The following DUSP18 variants were observed in gnomAD, a reference collection of about 807,000 sequenced individuals.
DUSP18 encodes the protein dual specificity protein phosphatase 18.
DUSP18 carries 4 observed loss-of-function variants against 6.3 expected under a neutral mutation model. The observed-to-expected ratio is 0.63, with a 90% CI of 0.31 to 1.45. DUSP18 has a LOEUF of 1.45. Ranked by LOEUF, DUSP18 falls within the 40% of genes most tolerant of loss-of-function variation. DUSP18 has a pLI of 0.07. For synonymous variants in DUSP18, 96 were observed against 95.1 expected (o/e 1.01, Z -0.05); for missense variants, 235 against 247.7 (o/e 0.95, Z 0.34).
chr22:30,656,396 G>A (rs746047605), intron 2 of DUSP18, among the ~76,000 whole-genome samples: 6 of 152,246 alleles, frequency 3.9e-5, no homozygotes, highest in East Asian at 1.9e-4. Flanking sequence ...AGATCATTCC[G>A]AGAAATCCTC....
At chr22:30,657,695 G>A (rs949074766), downstream of DUSP18, among the ~76,000 whole-genome samples, 1 of 151,518 alleles carries the variant, frequency 6.6e-6, no homozygotes, top group Non-Finnish European at 1.5e-5. Context: ...ACGAGGTCAG[G>A]AGATCGAGAC....
At chr22:30,658,539 G>A (rs770591439), downstream of DUSP18, among the ~76,000 whole-genome samples, 1 of 151,758 alleles carries the variant, frequency 6.6e-6, no homozygotes, top group Non-Finnish European at 1.5e-5. Flanking sequence ...TCTTCATCCT[G>A]TCACCTGGCC....
intron 2 of DUSP18, among the ~76,000 whole-genome samples, chr22:30,653,512 C>T (rs1161391692): frequency 6.6e-6 from 1 of 151,988 alleles, no homozygotes; most frequent in Non-Finnish European, 1.5e-5. Context: ...GGTGGAACTA[C>T]AGGTGCACAC....
At chr22:30,652,771 C>A (rs1029603518) in intron 2 of DUSP18, among the ~76,000 whole-genome samples, 4 of 152,232 alleles carry the variant, frequency 2.6e-5, no homozygotes, top group African/African-American at 9.6e-5. Flanking sequence ...GTGAGTGATT[C>A]AAGAGAACAA....
downstream of DUSP18, among the ~76,000 whole-genome samples, chr22:30,657,407 C>T (rs1462246283): frequency 1.3e-5 from 2 of 148,694 alleles, no homozygotes; most frequent in African/African-American, 2.5e-5. Flanking sequence ...TGCAGTAAGC[C>T]GAGATCACAC....
intron 1 of DUSP18, 188 bp downstream of exon 1, chr22:30,667,274 T>C (rs888307734): frequency 6.6e-6 from 1 of 152,198 alleles, no homozygotes; most frequent in African/African-American, 2.4e-5. Context: ...TGGTCCATTA[T>C]GTGTGGGAAA....
rs772310401 is a variant in DUSP18 at position 30,663,456 on chromosome 22, C to T, written c.548G>A (p.Arg183His). ...GATGGCTCACAGTGGAATCATCAAACGGACTTCCTTCTCATAGATGTCAGG... is the reference window on the plus strand; with the variant it reads ...GATGGCTCACAGTGGAATCATCAAATGGACTTCCTTCTCATAGATGTCAGG... ...MIPDIYEKEV[R>H]LMIPL Residue 183 changes from arginine (R) to histidine (H), a missense_variant, in exon 2 of 2, where the codon CGT becomes CAT. Physicochemically the swap from Arg to His is conservative, Grantham distance 29. Coordinates refer to ENST00000334679, the MANE Select transcript of DUSP18 (RefSeq NM_152511.5). 7 of 1,610,752 alleles carry T rather than the reference C, an allele frequency of 4.3e-6. No homozygotes were observed. The highest frequency in any genetic ancestry group is 2.2e-5 in the South Asian group (2 of 90,992).
At chr22:30,654,542 G>A (rs970675478) in intron 2 of DUSP18, 10 of 438,450 alleles carry the variant, frequency 2.3e-5, no homozygotes, top group South Asian at 1.0e-4. Context: ...TTGGTCTCGC[G>A]GGGCAGCATG....
chr22:30,663,949 C>G lies in DUSP18; in HGVS notation c.55G>C (p.Gly19Arg). The change falls in exon 2 of 2, where the codon GGC (glycine) becomes CGC (arginine). Residue 19 changes from glycine (G) to arginine (R), a missense_variant. Coordinates refer to ENST00000334679, the MANE Select transcript of DUSP18 (RefSeq NM_152511.5). ...PVQFRQPSVSGLSQITKSLYI... is the reference protein window; with the variant it reads ...PVQFRQPSVSRLSQITKSLYI... ...AGGCTTTTGGTTATCTGCGAGAGGC[C>G]GCTGACTGAGGGCTGCCGGAACTGA... The G allele has an allele frequency of 6.2e-7, 1 of 1,614,160 alleles. No individual in the cohort carries two copies. The highest frequency in any genetic ancestry group is 8.5e-7 in the Non-Finnish European group (1 of 1,180,036).
chr22:30,665,912 G>A (rs943086812), intron 1 of DUSP18, among the ~76,000 whole-genome samples: 4 of 148,064 alleles, frequency 2.7e-5, no homozygotes, highest in East Asian at 2.1e-4. Flanking sequence ...CTCTGGCAGC[G>A]TGTCTCCAGA....
chr22:30,654,312 G>C, intron 2 of DUSP18: 1 of 460,998 alleles, frequency 2.2e-6, no homozygotes, highest in Non-Finnish European at 4.3e-6. Context: ...TATTCTGGTA[G>C]TGGATCTTGG....
chr22:30,663,172 T>C lies in DUSP18; in HGVS notation c.*265A>G, dbSNP rs1275262067. On this transcript the variant is annotated 3_prime_UTR_variant, in exon 2 of 2. Coordinates refer to ENST00000334679, the MANE Select transcript of DUSP18 (RefSeq NM_152511.5). ...GTGCAATGGGTGCTGCCCTCTTTCT[T>C]CTGGGCACCATCTGCCTCAACCTAT... The C allele has an allele frequency of 6.3e-5, 27 of 429,428 alleles. No individual in the cohort carries two copies. The highest frequency in any genetic ancestry group is 1.0e-4 in the Non-Finnish European group (25 of 238,410). 26.6% of individuals were successfully genotyped at this position (429,428 alleles called of 1,614,324 possible).
intron 1 of DUSP18, 123 bp from the exon 2 acceptor site, chr22:30,664,203 G>A: frequency 1.7e-6 from 1 of 595,756 alleles, no homozygotes. Flanking sequence ...CATCACAGCA[G>A]AACTACCCAG....
chr22:30,655,896 G>C (rs1032716481), intron 2 of DUSP18, among the ~76,000 whole-genome samples: 4 of 151,764 alleles, frequency 2.6e-5, no homozygotes, highest in Non-Finnish European at 5.9e-5. Context: ...GGTGATATTG[G>C]GTCACGATCC....
chr22:30,659,111 G>A (rs182133439), downstream of DUSP18, among the ~76,000 whole-genome samples: 8 of 124,446 alleles, frequency 6.4e-5, no homozygotes, highest in Non-Finnish European at 9.7e-5. Flanking sequence ...GCGACACAGC[G>A]AGACTCCATC....
chr22:30,658,126 TA>T (rs886421711), downstream of DUSP18, among the ~76,000 whole-genome samples: 2 of 150,788 alleles, frequency 1.3e-5, no homozygotes, highest in Middle Eastern at 3.5e-3. Flanking sequence ...TTTTTTTAGT[TA>T]AAAAAAACTG....
downstream of DUSP18, among the ~76,000 whole-genome samples, chr22:30,658,835 T>C (rs2088398171): frequency 6.6e-6 from 1 of 152,120 alleles, no homozygotes; most frequent in Admixed American, 6.6e-5. Context: ...CTGATTTACA[T>C]GGCAAAGGCT....
At chr22:30,660,670 G>A (rs967133060), downstream of DUSP18, among the ~76,000 whole-genome samples, 9 of 152,086 alleles carry the variant, frequency 5.9e-5, no homozygotes, top group African/African-American at 4.8e-5. Context: ...AAGGATAACC[G>A]AAAGAAATCC....
chr22:30,660,175 C>T (rs1362251595), downstream of DUSP18, among the ~76,000 whole-genome samples: 3 of 152,188 alleles, frequency 2.0e-5, no homozygotes, highest in South Asian at 4.1e-4. Flanking sequence ...CTAGTCAAGT[C>T]CAATCAAGCT....
Sources: gnomAD v4.1 joint callset for allele counts (sites outside exome capture counted in the v4.1 genomes callset) on GRCh38, gnomAD v4.1.1 for gene constraint, MANE v1.5 for transcripts, NCBI Gene and HGNC (gene_info 2026-07-23, HGNC 2026-07-21) for gene names.